DOCK3: variants seen among roughly 807,000 people sequenced by gnomAD.
DOCK3 encodes dedicator of cytokinesis protein 3.
DOCK3 carries 60 observed loss-of-function variants against 265.6 expected under a neutral mutation model. The observed-to-expected ratio is 0.23, with a 90% CI of 0.18 to 0.28. The LOEUF (loss-of-function observed/expected upper bound fraction) is 0.28, where lower values mean the gene tolerates loss of function less well. Among genes scored for constraint, DOCK3 ranks in the 10% least tolerant of loss-of-function variants. The pLI, the probability that DOCK3 is intolerant of heterozygous loss-of-function variation, is 1.00. For synonymous variants in DOCK3, 881 were observed against 938.0 expected, an observed-to-expected ratio of 0.94 and a Z score of 1.11; for missense variants, 1,981 against 2,594.3, an observed-to-expected ratio of 0.76 and a Z score of 5.14.
In DOCK3 at chr3:51,275,219, C is replaced by T; in HGVS notation, c.2676+13C>T. ...GACCAGCTCTCTGGTAGTGGCCCCA[C>T]ACCCACTCCACCCTGTTCAGCTCTT... On this transcript the variant is annotated intron_variant, in intron 25 of 52. Coordinates refer to ENST00000266037, the MANE Select transcript of DOCK3 (RefSeq NM_004947.5). The T allele has an allele frequency of 2.5e-6, 4 of 1,613,654 alleles. No individual in the cohort carries two copies. Among genetic ancestry groups the T allele is most frequent in the Middle Eastern group, 1.7e-4 (1 of 6,038 alleles).
chr3:50,925,824 C>CTTTTTTTTT (rs368819970), intron 4 of DOCK3, among the ~76,000 whole-genome samples: 2 of 88,428 alleles, frequency 2.3e-5, no homozygotes, highest in African/African-American at 1.0e-4. Context: ...TAAAACTAGT[C>CTTTTTTTTT]TTTTTTTTTT....
intron 6 of DOCK3, among the ~76,000 whole-genome samples, chr3:51,066,548 C>T (rs2081597878): frequency 2.0e-5 from 3 of 152,110 alleles, no homozygotes; most frequent in Admixed American, 2.0e-4. Flanking sequence ...TTTTATTTTA[C>T]AAATCCCAAC....
intron 35 of DOCK3, among the ~76,000 whole-genome samples, chr3:51,336,700 T>C (rs146993757): frequency 1.6e-4 from 24 of 152,274 alleles, no homozygotes; most frequent in African/African-American, 4.8e-4. Flanking sequence ...CTGTCAGCAG[T>C]GCAGAGGAGA....
intron 4 of DOCK3, among the ~76,000 whole-genome samples, chr3:50,890,673 A>G (rs973621175): frequency 3.3e-5 from 5 of 152,080 alleles, no homozygotes; most frequent in African/African-American, 1.2e-4. Context: ...ATTTTTCAAA[A>G]TTTATTATTT....
At chr3:51,068,266 C>T (rs760249947) in intron 6 of DOCK3, among the ~76,000 whole-genome samples, 1 of 152,078 alleles carries the variant, frequency 6.6e-6, no homozygotes, top group Non-Finnish European at 1.5e-5. Flanking sequence ...CTTGGCCGGG[C>T]GCGGTGGCTC....
At position 50,819,262 on chromosome 3, in the gene DOCK3, T is replaced by C. The variant is rs143530309; in HGVS notation, c.122-22413T>C. On this transcript the variant is annotated intron_variant, in intron 2 of 52. Coordinates refer to ENST00000266037, the MANE Select transcript of DOCK3 (RefSeq NM_004947.5). The stretch of plus-strand genomic sequence containing the variant: ...ATTTCCATTTTCCACCTCTTCTTTC[T>C]TGTTCTCTTAGTGTGATTTGACTTA... Among the ~76,000 whole-genome samples, 1,333 of 152,314 alleles carry C rather than the reference T, an allele frequency of 8.8e-3. 26 individuals are homozygous for C. Among genetic ancestry groups the C allele is most frequent in the African/African-American group, 0.029 (1,187 of 41,560 alleles).
chr3:50,685,266 G>A (rs761260879), intron 1 of DOCK3, among the ~76,000 whole-genome samples: 2 of 152,222 alleles, frequency 1.3e-5, no homozygotes, highest in African/African-American at 4.8e-5. Context: ...CTCCAGGACA[G>A]TGAGGGTACT....
chr3:51,146,514 C>T (rs1291275781), intron 9 of DOCK3, 35 bp from the exon 10 acceptor site: 4 of 1,558,404 alleles, frequency 2.6e-6, no homozygotes, highest in Non-Finnish European at 3.5e-6. Context: ...GTGTGTTACT[C>T]ACATTTCTCT....
chr3:50,740,365 A>G (rs972359881), intron 1 of DOCK3, among the ~76,000 whole-genome samples: 1 of 151,998 alleles, frequency 6.6e-6, no homozygotes, highest in Non-Finnish European at 1.5e-5. Flanking sequence ...TATTTTTTTC[A>G]TTTCTCTTGA....
chr3:51,364,974 T>C lies in DOCK3; in HGVS notation c.5293+2300T>C, dbSNP rs560806264. Among the ~76,000 whole-genome samples, 7 of 152,376 alleles carry C rather than the reference T, an allele frequency of 4.6e-5. No homozygotes were observed. In the South Asian group the frequency reaches 1.2e-3, roughly 27 times the overall value. On this transcript the variant is annotated intron_variant, in intron 49 of 52. Coordinates refer to ENST00000266037, the MANE Select transcript of DOCK3 (RefSeq NM_004947.5). ...TTGTCTTGGCAATGCAGGCTCTTTTTTGGTTCCATATGAACTTTAAAGTAG... is the reference window on the plus strand; with the variant it reads ...TTGTCTTGGCAATGCAGGCTCTTTTCTGGTTCCATATGAACTTTAAAGTAG...
chr3:51,267,075 C>T (rs1251837771), intron 23 of DOCK3, among the ~76,000 whole-genome samples: 1 of 152,164 alleles, frequency 6.6e-6, no homozygotes, highest in Non-Finnish European at 1.5e-5. Flanking sequence ...AAAAGCTCAT[C>T]ATCACTGGTC....
chr3:50,965,653 T>C (rs1468261410), intron 5 of DOCK3, among the ~76,000 whole-genome samples: 1 of 152,160 alleles, frequency 6.6e-6, no homozygotes, highest in East Asian at 1.9e-4. Context: ...ATTTTTAGTT[T>C]AACGCTTTCT....
At chr3:50,811,610 G>A (rs1311879090) in intron 2 of DOCK3, among the ~76,000 whole-genome samples, 1 of 152,146 alleles carries the variant, frequency 6.6e-6, no homozygotes, top group Non-Finnish European at 1.5e-5. Context: ...GTTGCATCTT[G>A]TGAAGTTAGA....
chr3:50,917,351 C>G (rs1196753108), intron 4 of DOCK3, among the ~76,000 whole-genome samples: 1 of 152,020 alleles, frequency 6.6e-6, no homozygotes, highest in Admixed American at 6.6e-5. Context: ...GGGAGAAAAA[C>G]TTGATTACTT....
At chr3:51,264,861 T>TAAATAAA (rs1366976951) in intron 23 of DOCK3, among the ~76,000 whole-genome samples, 3 of 150,838 alleles carry the variant, frequency 2.0e-5, no homozygotes, top group Non-Finnish European at 3.0e-5. Flanking sequence ...AATAAATAAC[T>TAAATAAA]TAGATCAGAA....
chr3:51,291,043 C>T (rs1437384974), intron 27 of DOCK3, among the ~76,000 whole-genome samples: 1 of 152,184 alleles, frequency 6.6e-6, no homozygotes, highest in Non-Finnish European at 1.5e-5. Flanking sequence ...TGCCACTGCA[C>T]TCCAGCCTGG....
At chr3:51,199,781 C>T (rs2088587380) in intron 12 of DOCK3, among the ~76,000 whole-genome samples, 1 of 152,062 alleles carries the variant, frequency 6.6e-6, no homozygotes, top group Admixed American at 6.5e-5. Context: ...GGGAGGCACC[C>T]CCCAGTAGGG....
At chr3:50,977,366 T>C (rs898869827) in intron 5 of DOCK3, among the ~76,000 whole-genome samples, 17 of 152,150 alleles carry the variant, frequency 1.1e-4, no homozygotes, top group African/African-American at 4.1e-4. Flanking sequence ...CAGCATTTGC[T>C]TGTCTGTAAA....
intron 3 of DOCK3, among the ~76,000 whole-genome samples, chr3:50,885,371 T>G: frequency 6.6e-6 from 1 of 151,874 alleles, no homozygotes; most frequent in East Asian, 1.9e-4. Context: ...GCAGTTTTTT[T>G]TTTTTTTTTT....
Sources: gnomAD v4.1 joint callset for allele counts (sites outside exome capture counted in the v4.1 genomes callset) on GRCh38, gnomAD v4.1.1 for gene constraint, MANE v1.5 for transcripts, NCBI Gene and HGNC (gene_info 2026-07-23, HGNC 2026-07-21) for gene names.